Variants in MSTO1 observed in about 807,000 individuals in gnomAD.
MSTO1 encodes the protein protein misato homolog 1.
Under a neutral mutation model 55.7 loss-of-function variants are expected in MSTO1, and 24 were observed. That is an observed-to-expected ratio of 0.43 (90% confidence interval 0.31 to 0.61). The LOEUF is 0.61. Ranked by LOEUF, MSTO1 falls within the 20% of genes least tolerant of loss-of-function variation. The pLI is 0.09. For missense variants in MSTO1, 363 were observed against 625.7 expected (o/e 0.58, Z 4.48); for synonymous variants, 162 against 252.8 (o/e 0.64, Z 3.41).
chr1:155,570,920 T>C, the MSTO1 span, among the ~76,000 whole-genome samples: 38 of 152,326 alleles, frequency 2.5e-4, no homozygotes, highest in African/African-American at 9.1e-4. Context: ...GAAGAGCTAA[T>C]GCAGCTTTAA....
chr1:155,613,387 G>T (rs1473161658), intron 11 of MSTO1, 75 bp from the exon 12 acceptor site: 3 of 1,600,334 alleles, frequency 1.9e-6, no homozygotes, highest in Admixed American at 1.7e-5. Context: ...CCAGCTGATG[G>T]CCTGAGAACA....
chr1:155,576,067 C>T, the MSTO1 span, among the ~76,000 whole-genome samples: 1 of 151,972 alleles, frequency 6.6e-6, no homozygotes, highest in Non-Finnish European at 1.5e-5. Flanking sequence ...GGTGATCCGC[C>T]TGCTTCGGCC....
the MSTO1 span, among the ~76,000 whole-genome samples, chr1:155,587,909 TAAC>T: frequency 6.6e-6 from 1 of 150,838 alleles, no homozygotes; most frequent in African/African-American, 2.4e-5. Context: ...GTATCGAAAA[TAAC>T]AACTAGTTGC....
At chr1:155,600,889 T>G in the MSTO1 span, among the ~76,000 whole-genome samples, 90,607 of 151,364 alleles carry the variant, frequency 0.6, 30,156 homozygotes, top group Non-Finnish European at 0.75. Context: ...CGTTAGCCAG[T>G]ATGGTCTCGA....
At chr1:155,567,269 G>A in the MSTO1 span, among the ~76,000 whole-genome samples, 2 of 150,262 alleles carry the variant, frequency 1.3e-5, no homozygotes, top group African/African-American at 4.9e-5. Context: ...GACTACAGGT[G>A]TGTGTCACCA....
chr1:155,612,479 C>T lies in MSTO1; in HGVS notation c.875C>T (p.Ala292Val), dbSNP rs369915310. The T allele has an allele frequency of 5.3e-5, 86 of 1,613,976 alleles. 1 individual carries two copies. The highest frequency in any genetic ancestry group is 3.3e-5 in the Admixed American group (2 of 59,996). ...GCTTTTGGTCTCGTGCACCTGACTG[C>T]TCACAGCTCTCTTGTCTGCCCCTTG... ...NTAFGLVHLTAHSSLVCPLSL... is the reference protein window; with the variant it reads ...NTAFGLVHLTVHSSLVCPLSL... The change falls in exon 9 of 14, where the codon GCT becomes GTT. Residue 292 changes from alanine to valine, a missense_variant. Ala to Val is a moderately conservative substitution (Grantham distance 64). This residue lies in a region of MSTO1 where 231 missense variants were observed against 286.9 expected (regional missense o/e 0.81). Transcript: ENST00000245564.
At chr1:155,583,502 C>G in the MSTO1 span, among the ~76,000 whole-genome samples, 4 of 152,106 alleles carry the variant, frequency 2.6e-5, no homozygotes, top group South Asian at 8.3e-4. Context: ...CGCCACTGCA[C>G]TCCAGCCTGG....
At chr1:155,568,857 CTTTTTT>C in the MSTO1 span, among the ~76,000 whole-genome samples, 3 of 64,730 alleles carry the variant, frequency 4.6e-5, no homozygotes, top group African/African-American at 7.8e-5. Flanking sequence ...TTTTCTTTTT[CTTTTTT>C]TTTTTTGAGA....
chr1:155,610,217 TGA>T lies in MSTO1; in HGVS notation c.-30_-29del, dbSNP rs1235667847. 1.6e-6 allele frequency: 1 copy of T among 624,952 alleles called. No homozygotes were observed. Among genetic ancestry groups the T allele is most frequent in the African/African-American group, 1.8e-5 (1 of 54,238 alleles). The allele number at this position is 624,952 out of a possible 1,614,324, so 38.7% of individuals were successfully genotyped here. On this transcript the variant is annotated 5_prime_UTR_variant, in exon 1 of 14. Coordinates refer to ENST00000245564, the MANE Select transcript of MSTO1 (RefSeq NM_018116.4). Reference sequence around the variant, plus strand: ...GGCTAGGAGCAGCGAGCGGCGCGGCTGAGGCGCGGCGGCCCCGTGGAGCAGCG... The same window carrying T: ...GGCTAGGAGCAGCGAGCGGCGCGGCTGGCGCGGCGGCCCCGTGGAGCAGCG...
chr1:155,613,156 A>C lies in MSTO1; in HGVS notation c.1206A>C (p.Ala402=). The C allele has an allele frequency of 1.2e-6, 2 of 1,614,018 alleles. No homozygotes were observed. The highest frequency in any genetic ancestry group is 1.7e-6 in the Non-Finnish European group (2 of 1,179,912). The change falls in exon 11 of 14, where the codon GCA becomes GCC. Residue 402 remains alanine (A), a synonymous_variant. Transcript: ENST00000245564. ...GGATPWTPLS[A]CGEPSGTRCF... ...CCACCCCATGGACCCCACTGTCTGCATGTGGGGAGCCTTCTGGAACACGTT... is the reference window on the plus strand; with the variant it reads ...CCACCCCATGGACCCCACTGTCTGCCTGTGGGGAGCCTTCTGGAACACGTT...
chr1:155,601,156 T>G, the MSTO1 span, among the ~76,000 whole-genome samples: 4 of 150,842 alleles, frequency 2.7e-5, no homozygotes, highest in African/African-American at 9.8e-5. Flanking sequence ...TCTTTTGAAA[T>G]GGAGTCTCAC....
the MSTO1 span, among the ~76,000 whole-genome samples, chr1:155,604,651 G>A: frequency 6.6e-6 from 1 of 152,146 alleles, no homozygotes; most frequent in Non-Finnish European, 1.5e-5. Flanking sequence ...CGAGGCAGGA[G>A]GATTGCTTGA....
rs986394510 is a variant in MSTO1, at chr1:155,613,479, C to G, written c.1301C>G (p.Thr434Arg). 1.4e-5 allele frequency: 23 copies of G among 1,614,050 alleles called. No individual in the cohort carries two copies. Among genetic ancestry groups the G allele is most frequent in the Non-Finnish European group, 1.9e-5 (22 of 1,179,974 alleles). The change falls in exon 12 of 14, where the codon ACA (threonine) becomes AGA (arginine). Residue 434 changes from threonine (T) to arginine (R), a missense_variant. This residue lies in a region of MSTO1 where 231 missense variants were observed against 286.9 expected (regional missense o/e 0.81). Transcript: ENST00000245564. ...ACHTSQLTPG[T>R]PPPSALHACT... The stretch of plus-strand genomic sequence containing the variant: ...TCTGGCAGCCAGCTCACCCCAGGGA[C>G]ACCTCCACCCTCTGCCCTTCATGCA...
chr1:155,594,402 G>C, the MSTO1 span, among the ~76,000 whole-genome samples: 1 of 151,914 alleles, frequency 6.6e-6, no homozygotes, highest in Non-Finnish European at 1.5e-5. Flanking sequence ...CTCTCAAAAA[G>C]AAAATTAAGT....
At chr1:155,575,801 T>C in the MSTO1 span, among the ~76,000 whole-genome samples, 9 of 132,482 alleles carry the variant, frequency 6.8e-5, no homozygotes, top group African/African-American at 1.1e-4. Flanking sequence ...TTTATTTTTA[T>C]TTATTTATTT....
intron 9 of MSTO1, 130 bp downstream of exon 9, chr1:155,612,700 A>G: frequency 7.2e-7 from 1 of 1,393,434 alleles, no homozygotes; most frequent in Non-Finnish European, 9.8e-7. Flanking sequence ...GTGGCCTCTC[A>G]GATCACACTG....
the MSTO1 span, among the ~76,000 whole-genome samples, chr1:155,597,840 G>A: frequency 1.4e-5 from 2 of 147,562 alleles, no homozygotes; most frequent in Non-Finnish European, 3.0e-5. Context: ...TTTTTGAGAT[G>A]GAGTTTCAGT....
chr1:155,614,856 A>T lies in MSTO1; in HGVS notation c.*583A>T. 1 of 1,580,150 alleles carries T rather than the reference A, an allele frequency of 6.3e-7. No homozygotes were observed. Among genetic ancestry groups the T allele is most frequent in the Non-Finnish European group, 8.6e-7 (1 of 1,162,256 alleles). On this transcript the variant is annotated 3_prime_UTR_variant, in exon 14 of 14. Transcript: ENST00000245564. ...TGTGGAAGAGCTGCATGAGTTCTCGAAAATGGTGGGAAACCTAAGAAAGGA... is the reference window on the plus strand; with the variant it reads ...TGTGGAAGAGCTGCATGAGTTCTCGTAAATGGTGGGAAACCTAAGAAAGGA...
At chr1:155,587,612 C>T in the MSTO1 span, among the ~76,000 whole-genome samples, 17 of 151,552 alleles carry the variant, frequency 1.1e-4, no homozygotes, top group East Asian at 2.1e-3. Flanking sequence ...GGCGTGGTGG[C>T]GGGCGCCTAT....
Sources: allele counts gnomAD v4.1 joint callset (sites outside exome capture counted in the v4.1 genomes callset), GRCh38; gene constraint gnomAD v4.1.1; regional missense constraint gnomAD v4.1.1; transcripts MANE v1.5; gene names NCBI Gene and HGNC (gene_info 2026-07-23, HGNC 2026-07-21).